The following BCKDHB variants were observed in gnomAD, a reference collection of about 807,000 sequenced individuals.
The protein encoded by BCKDHB is branched chain keto acid dehydrogenase E1 subunit beta.
In BCKDHB, 41 loss-of-function variants were observed where a neutral mutation model predicts 48.5. The ratio of observed to expected loss-of-function variants is 0.85; its 90% confidence interval spans 0.66 to 1.10. The LOEUF (loss-of-function observed/expected upper bound fraction) is 1.10. BCKDHB is among the 50% of genes least tolerant of loss of function. The probability of loss-of-function intolerance (pLI) is 0.00; values close to 1 mark genes in which losing one functional copy is unlikely to be tolerated. For missense variants in BCKDHB, 496 were observed against 494.2 expected (o/e 1.00, Z -0.03); for synonymous variants, 201 against 174.8 (o/e 1.15, Z -1.18).
At chr6:80,347,353 A>G (rs548971630), downstream of BCKDHB, among the ~76,000 whole-genome samples, 18 of 152,296 alleles carry the variant, frequency 1.2e-4, 1 homozygote, top group South Asian at 3.7e-3. Flanking sequence ...GAACATTCTG[A>G]GTTTAAGATG....
At chr6:80,407,840 C>T in the BCKDHB span, among the ~76,000 whole-genome samples, 4 of 152,162 alleles carry the variant, frequency 2.6e-5, no homozygotes, top group Admixed American at 1.3e-4. Context: ...ATTGAATACC[C>T]TTTATTTCTT....
At chr6:80,173,284 G>T (rs757727408) in intron 6 of BCKDHB, among the ~76,000 whole-genome samples, 1 of 152,092 alleles carries the variant, frequency 6.6e-6, no homozygotes, top group Non-Finnish European at 1.5e-5. Flanking sequence ...ATTTCCCCAT[G>T]CTTGATCATG....
chr6:80,171,237 G>C, intron 5 of BCKDHB, 45 bp from the exon 6 acceptor site: 2 of 1,136,092 alleles, frequency 1.8e-6, no homozygotes. Context: ...AGTTTACTGG[G>C]ATATATTTTT....
the BCKDHB span, among the ~76,000 whole-genome samples, chr6:80,398,794 C>CA: frequency 1.9e-3 from 289 of 151,386 alleles, 5 homozygotes; most frequent in East Asian, 0.05. Context: ...AAAACAACAG[C>CA]AAAAAAACTT....
intron 3 of BCKDHB, among the ~76,000 whole-genome samples, chr6:80,146,112 G>A (rs1198485944): frequency 1.3e-5 from 2 of 152,140 alleles, no homozygotes; most frequent in African/African-American, 2.4e-5. Context: ...GAGATTAGGA[G>A]TTACTGGTAT....
the BCKDHB span, chr6:80,454,243 T>C: frequency 6.6e-6 from 1 of 152,192 alleles, no homozygotes; most frequent in Admixed American, 6.5e-5. Context: ...TAGCACATGG[T>C]CCCTAGAAAA....
Position 80,168,866 on chromosome 6 carries a change from G to A in BCKDHB, c.478-9G>A, listed in dbSNP as rs780452994. The A allele has an allele frequency of 1.4e-5, 23 of 1,613,794 alleles. No individual in the cohort carries two copies. Among genetic ancestry groups the A allele is most frequent in the Non-Finnish European group, 1.9e-5 (23 of 1,179,954 alleles). On this transcript the variant is annotated splice_polypyrimidine_tract_variant and intron_variant, in intron 4 of 9. Coordinates refer to ENST00000320393, the MANE Select transcript of BCKDHB (RefSeq NM_183050.4). ...TGTGCCATGCCCCGTCTTTCTTTCT[G>A]ACCCTCAGATTGTTAATGAAGCTGC...
At chr6:80,115,741 A>G (rs1158434709) in intron 1 of BCKDHB, among the ~76,000 whole-genome samples, 1 of 150,858 alleles carries the variant, frequency 6.6e-6, no homozygotes, top group Non-Finnish European at 1.5e-5. Context: ...GATTCTCACC[A>G]TTCTCCTGCC....
intron 8 of BCKDHB, among the ~76,000 whole-genome samples, chr6:80,248,358 C>T (rs1418826153): frequency 2.0e-5 from 3 of 152,102 alleles, no homozygotes; most frequent in African/African-American, 7.2e-5. Flanking sequence ...TTATACTGAA[C>T]TACATTCTGC....
the BCKDHB span, chr6:80,355,712 G>C: frequency 6.6e-6 from 1 of 152,016 alleles, no homozygotes; most frequent in Non-Finnish European, 1.5e-5. Flanking sequence ...AATTATTTTG[G>C]GGAATTGCGT....
chr6:80,313,873 G>A (rs1768298830), intron 9 of BCKDHB, among the ~76,000 whole-genome samples: 1 of 152,060 alleles, frequency 6.6e-6, no homozygotes, highest in African/African-American at 2.4e-5. Context: ...TTGTTAACCT[G>A]AGATCTTTCC....
Position 80,344,244 on chromosome 6 carries a change from A to T in BCKDHB, c.*440A>T, listed in dbSNP as rs113404985. The T allele has an allele frequency of 6.9e-3, 1,720 of 249,348 alleles. 24 individuals carry two copies. The highest frequency in any genetic ancestry group is 0.036 in the African/African-American group (1,592 of 43,702). 15.4% of individuals were successfully genotyped at this position (249,348 alleles called of 1,614,324 possible). A position where few individuals can be genotyped will look rare whatever the true frequency, so the allele number is the denominator to read the frequency against. On this transcript the variant is annotated 3_prime_UTR_variant, in exon 10 of 10. Transcript: ENST00000320393. ...GATTTCAAATTCCTGACCTCAAGTG[A>T]TCCACCTGCCTTAGCCTCCCAAAGT...
chr6:80,410,388 T>A, the BCKDHB span, among the ~76,000 whole-genome samples: 2 of 152,208 alleles, frequency 1.3e-5, no homozygotes, highest in Non-Finnish European at 2.9e-5. Context: ...CATTGTTTCC[T>A]TCATTTCAAC....
At position 80,212,096 on chromosome 6, in the gene BCKDHB, T is replaced by C. The variant is rs139061947; in HGVS notation, c.951+8884T>C. ...AGGCAAAGGGCAAAAGCAGAACTAC[T>C]GATAAGGGTCTATGTTCAGCAGTGC... is the stretch of plus-strand genomic sequence containing the variant. On this transcript the variant is annotated intron_variant, in intron 8 of 9. Transcript: ENST00000320393. 8.5e-3 allele frequency among the ~76,000 whole-genome samples: 1,296 copies of C among 152,278 alleles called. 23 individuals are homozygous for C. Among genetic ancestry groups the C allele is most frequent in the African/African-American group, 0.029 (1,210 of 41,558 alleles).
the BCKDHB span, among the ~76,000 whole-genome samples, chr6:80,430,090 G>T: frequency 6.6e-6 from 1 of 152,134 alleles, no homozygotes; most frequent in Non-Finnish European, 1.5e-5. Context: ...GTTGAATTTT[G>T]TCAAAGGCCT....
the BCKDHB span, among the ~76,000 whole-genome samples, chr6:80,411,463 A>G: frequency 1.5e-3 from 233 of 152,336 alleles, 1 homozygote; most frequent in African/African-American, 5.2e-3. Context: ...CAGAGCTCAA[A>G]CGCTGTGCTG....
At chr6:80,119,039 T>A (rs1769861607) in intron 1 of BCKDHB, among the ~76,000 whole-genome samples, 1 of 152,134 alleles carries the variant, frequency 6.6e-6, no homozygotes, top group Admixed American at 6.5e-5. Flanking sequence ...CGTGTAGTCC[T>A]ACCACTTTGG....
At chr6:80,144,181 G>A (rs997119136) in intron 3 of BCKDHB, among the ~76,000 whole-genome samples, 1 of 152,102 alleles carries the variant, frequency 6.6e-6, no homozygotes, top group African/African-American at 2.4e-5. Context: ...ATATTAAATG[G>A]CATAAGCCCA....
chr6:80,289,377 C>A (rs1418986480), intron 9 of BCKDHB, among the ~76,000 whole-genome samples: 1 of 151,982 alleles, frequency 6.6e-6, no homozygotes, highest in African/African-American at 2.4e-5. Context: ...TCAAACTGCA[C>A]TGATTAATAG....
Sources: allele counts gnomAD v4.1 joint callset (sites outside exome capture counted in the v4.1 genomes callset), GRCh38; gene constraint gnomAD v4.1.1; transcripts MANE v1.5; gene names NCBI Gene and HGNC (gene_info 2026-07-23, HGNC 2026-07-21).